Variants in MSH3 observed in about 807,000 individuals in gnomAD.
MSH3 encodes the protein mutS homolog 3, also known as DNA mismatch repair protein Msh3.
MSH3 carries 106 observed loss-of-function variants against 123.3 expected under a neutral mutation model. The observed-to-expected ratio is 0.86, with a 90% CI of 0.73 to 1.01. MSH3 has a LOEUF of 1.01. Ranked by LOEUF, MSH3 falls within the 50% of genes least tolerant of loss-of-function variation. The pLI, the probability that MSH3 is intolerant of heterozygous loss-of-function variation, is 0.00. For synonymous variants in MSH3, 515 were observed against 481.4 expected (o/e 1.07, Z -0.91); for missense variants, 1,459 against 1,347.6 (o/e 1.08, Z -1.29).
At chr5:80,874,493 C>T (rs1048277387) in intron 23 of MSH3, among the ~76,000 whole-genome samples, 2 of 152,082 alleles carry the variant, frequency 1.3e-5, no homozygotes, top group Non-Finnish European at 2.9e-5. Flanking sequence ...TAAAATTTTT[C>T]CTGAGGGAAA....
intron 8 of MSH3, among the ~76,000 whole-genome samples, chr5:80,701,879 TG>T (rs1034067875): frequency 6.6e-6 from 1 of 152,108 alleles, no homozygotes; most frequent in African/African-American, 2.4e-5. Context: ...CCAGCTTTTT[TG>T]TGAATCCTTT....
chr5:80,730,891 TATA>T (rs1378431209), intron 10 of MSH3, among the ~76,000 whole-genome samples: 3 of 107,320 alleles, frequency 2.8e-5, no homozygotes, highest in Admixed American at 9.2e-5. Flanking sequence ...TATATATATA[TATA>T]TTTTTTTTTT....
intron 21 of MSH3, chr5:80,855,873 C>CTTTTTTTTT (rs5869058): frequency 3.4e-4 from 36 of 107,134 alleles, no homozygotes; most frequent in Non-Finnish European, 3.4e-4. Flanking sequence ...TCCTCCTCCT[C>CTTTTTTTTT]TTTTTTTTTT....
chr5:80,827,431 G>T (rs1316242458), intron 20 of MSH3, among the ~76,000 whole-genome samples: 2 of 152,160 alleles, frequency 1.3e-5, no homozygotes, highest in Non-Finnish European at 2.9e-5. Flanking sequence ...TTATTTGTTT[G>T]CCCAACTTAG....
intron 8 of MSH3, among the ~76,000 whole-genome samples, chr5:80,724,164 CAT>C (rs1240913461): frequency 2.6e-5 from 4 of 152,244 alleles, no homozygotes; most frequent in South Asian, 2.1e-4. Context: ...TTTAAAGCAA[CAT>C]GTGACAAAAC....
At chr5:80,724,541 C>G (rs1743223538) in intron 8 of MSH3, among the ~76,000 whole-genome samples, 1 of 151,994 alleles carries the variant, frequency 6.6e-6, no homozygotes, top group Non-Finnish European at 1.5e-5. Flanking sequence ...AGTCAAAAAA[C>G]ATAGAAAAAG....
At chr5:80,689,458 ACCT>A (rs1318439343) in intron 8 of MSH3, among the ~76,000 whole-genome samples, 1 of 152,104 alleles carries the variant, frequency 6.6e-6, no homozygotes, top group Non-Finnish European at 1.5e-5. Context: ...ATTCTTGCTA[ACCT>A]CCTCACCCAT....
chr5:80,736,907 G>A (rs1481021844), intron 10 of MSH3, among the ~76,000 whole-genome samples: 1 of 152,148 alleles, frequency 6.6e-6, no homozygotes, highest in African/African-American at 2.4e-5. Flanking sequence ...ATTTTGCTTT[G>A]CATTCTTTCA....
At chr5:80,859,898 G>C (rs1353783227) in intron 21 of MSH3, among the ~76,000 whole-genome samples, 1 of 151,402 alleles carries the variant, frequency 6.6e-6, no homozygotes, top group South Asian at 2.1e-4. Context: ...CTTTCTTAGC[G>C]TATCAGTTAT....
intron 12 of MSH3, among the ~76,000 whole-genome samples, chr5:80,745,828 C>T (rs373786380): frequency 1.2e-4 from 18 of 152,234 alleles, no homozygotes; most frequent in African/African-American, 4.3e-4. Flanking sequence ...GCACAGCAGC[C>T]TCACTAAGCA....
chr5:80,778,903 C>T (rs533461795), intron 17 of MSH3, 67 bp downstream of exon 17: 1 of 925,968 alleles, frequency 1.1e-6, no homozygotes, highest in African/African-American at 1.6e-5. Flanking sequence ...AAAATCTTTC[C>T]ATCAAAAAGA....
rs6151713 is a variant in MSH3, at chr5:80,719,738, T to C, written c.1341-5715T>C. ...ATTAGGTACTATACCTTCTTTCTTATAGCCTCCATTGAGAGTCTTAGTTCT... is the reference window on the plus strand; with the variant it reads ...ATTAGGTACTATACCTTCTTTCTTACAGCCTCCATTGAGAGTCTTAGTTCT... On this transcript the variant is annotated intron_variant, in intron 8 of 23. Transcript: ENST00000265081. 8.0e-3 allele frequency among the ~76,000 whole-genome samples: 1,225 copies of C among 152,370 alleles called. 18 individuals are homozygous for C. The highest frequency in any genetic ancestry group is 0.028 in the African/African-American group (1,183 of 41,582).
chr5:80,679,160 C>A (rs1231160661), intron 8 of MSH3, 67 bp downstream of exon 8: 18 of 1,493,326 alleles, frequency 1.2e-5, no homozygotes, highest in Admixed American at 1.7e-5. Flanking sequence ...AAAACTGATA[C>A]TTATTAAAGT....
At chr5:80,824,282 G>A (rs1233195965) in intron 20 of MSH3, among the ~76,000 whole-genome samples, 8 of 151,952 alleles carry the variant, frequency 5.3e-5, no homozygotes, top group Non-Finnish European at 1.2e-4. Context: ...GGGCAGAGGC[G>A]CCCCTCACCT....
chr5:80,700,619 T>A (rs1159024078), intron 8 of MSH3, among the ~76,000 whole-genome samples: 1 of 152,162 alleles, frequency 6.6e-6, no homozygotes, highest in South Asian at 2.1e-4. Context: ...TTTTAATGGA[T>A]GTGCTTAACT....
intron 12 of MSH3, among the ~76,000 whole-genome samples, chr5:80,754,673 TAATTAAGGGAATAGA>T (rs1260696572): frequency 6.6e-6 from 1 of 152,164 alleles, no homozygotes; most frequent in Non-Finnish European, 1.5e-5. Flanking sequence ...TTAAATCACA[TAATTAAGGGAATAGA>T]AAATGGTTTG....
intron 8 of MSH3, among the ~76,000 whole-genome samples, chr5:80,686,459 C>T (rs966447368): frequency 2.1e-4 from 32 of 152,016 alleles, no homozygotes; most frequent in Middle Eastern, 3.4e-3. Context: ...TGCACCACCA[C>T]GCCTGGCTAA....
At chr5:80,775,606 A>G (rs1744283665) in intron 15 of MSH3, 88 bp from the exon 16 acceptor site, 1 of 766,988 alleles carries the variant, frequency 1.3e-6, no homozygotes, top group Admixed American at 2.1e-5. Flanking sequence ...AACAATATAT[A>G]ATAAATTGTT....
chr5:80,771,024 CTTCG>C (rs1262879967), intron 15 of MSH3, among the ~76,000 whole-genome samples: 2 of 152,040 alleles, frequency 1.3e-5, no homozygotes, highest in African/African-American at 4.8e-5. Flanking sequence ...AACAAAGTTT[CTTCG>C]TTATTGATAG....
Sources: gnomAD v4.1 joint callset for allele counts (sites outside exome capture counted in the v4.1 genomes callset) on GRCh38, gnomAD v4.1.1 for gene constraint, MANE v1.5 for transcripts, NCBI Gene and HGNC (gene_info 2026-07-23, HGNC 2026-07-21) for gene names.